Variants in ZNF207 observed in about 807,000 individuals in gnomAD.
ZNF207 encodes zinc finger protein 207.
ZNF207 carries 24 observed loss-of-function variants against 60.2 expected under a neutral mutation model. The ratio of observed to expected loss-of-function variants is 0.40; its 90% CI spans 0.29 to 0.56. The LOEUF (loss-of-function observed/expected upper bound fraction) is 0.56, where lower values mean the gene tolerates loss of function less well. Ranked by LOEUF, ZNF207 falls within the 20% of genes least tolerant of loss-of-function variation. The pLI, the probability that ZNF207 is intolerant of heterozygous loss-of-function variation, is 0.49. For synonymous variants in ZNF207, 236 were observed against 194.7 expected (o/e 1.21, Z -1.77); for missense variants, 452 against 636.6 (o/e 0.71, Z 3.12).
rs1377010682 is a variant in ZNF207, at chr17:32,379,508, A to T, written c.*9749A>T. 2 of 151,906 alleles carry T rather than the reference A, an allele frequency of 1.3e-5. No individual in the cohort carries two copies. The highest frequency in any genetic ancestry group is 2.9e-5 in the Non-Finnish European group (2 of 67,920). 9.4% of individuals were successfully genotyped at this position (151,906 alleles called of 1,614,324 possible). ...TTAGTATTTAAGAAAGTTCTTAAAC[A>T]TTTTTTTTAGTTGGCAGCCAAAAGA... On this transcript the variant is annotated 3_prime_UTR_variant, in exon 12 of 12. Coordinates refer to ENST00000394670, the MANE Select transcript of ZNF207 (RefSeq NM_001098507.2).
At position 32,371,837 on chromosome 17, in the gene ZNF207, AT is replaced by A. The variant is rs1905477369; in HGVS notation, c.*2082del. 6.6e-6 allele frequency: 1 copy of A among 152,190 alleles called. No individual in the cohort carries two copies. Among genetic ancestry groups the A allele is most frequent in the Non-Finnish European group, 1.5e-5 (1 of 68,028 alleles). 9.4% of individuals were successfully genotyped at this position (152,190 alleles called of 1,614,324 possible). On this transcript the variant is annotated 3_prime_UTR_variant, in exon 12 of 12. Coordinates refer to ENST00000394670, the MANE Select transcript of ZNF207 (RefSeq NM_001098507.2). ...TTCATAGTTTGAAAATAAAACAGGT[AT>A]TTTGCCAGTAATGTATTTCTTTCTG...
At chr17:32,354,174 C>T (rs1234388568) in intron 2 of ZNF207, among the ~76,000 whole-genome samples, 1 of 152,136 alleles carries the variant, frequency 6.6e-6, no homozygotes, top group Non-Finnish European at 1.5e-5. Context: ...GAGACAGGGT[C>T]TCACTATGTT....
intron 1 of ZNF207, chr17:32,350,915 A>G (rs1257670792): frequency 6.7e-6 from 1 of 148,580 alleles, no homozygotes; most frequent in African/African-American, 2.5e-5. Flanking sequence ...CTTAATCTTC[A>G]GGAAGCGTTC....
At chr17:32,353,319 G>A (rs2150786933) in intron 2 of ZNF207, among the ~76,000 whole-genome samples, 1 of 152,210 alleles carries the variant, frequency 6.6e-6, no homozygotes, top group East Asian at 1.9e-4. Flanking sequence ...TCCTAGAGCT[G>A]TCTGAATTTT....
chr17:32,356,875 G>A (rs1453710737), intron 2 of ZNF207, among the ~76,000 whole-genome samples: 1 of 152,144 alleles, frequency 6.6e-6, no homozygotes, highest in Admixed American at 6.6e-5. Context: ...TCAGTGTGTT[G>A]CAATAAACAT....
At chr17:32,368,185 G>A in intron 10 of ZNF207, 171 bp downstream of exon 10, 1 of 944,624 alleles carries the variant, frequency 1.1e-6, no homozygotes, top group Non-Finnish European at 1.5e-6. Context: ...TACTTAAAGT[G>A]GACAGATATT....
At chr17:32,365,191 A>C in intron 7 of ZNF207, 139 bp from the exon 8 acceptor site, 1 of 892,040 alleles carries the variant, frequency 1.1e-6, no homozygotes, top group Non-Finnish European at 1.7e-6. Flanking sequence ...AGAATGTTGC[A>C]TGGGGCAAAT....
At chr17:32,350,853 T>C (rs1238705687) in intron 1 of ZNF207, 1 of 151,798 alleles carries the variant, frequency 6.6e-6, no homozygotes, top group Non-Finnish European at 1.5e-5. Context: ...TTTTTTTTTT[T>C]TTCTTTTCGG....
Position 32,367,899 on chromosome 17 carries a change from G to T in ZNF207, c.1049G>T (p.Ser350Ile). The change falls in exon 10 of 12, where the codon AGT (serine) becomes ATT (isoleucine). Residue 350 changes from serine to isoleucine, a missense_variant. Around this residue, in one of 2 missense-constraint regions of ZNF207, gnomAD observed 390 missense variants for 461.4 expected, o/e 0.85. Transcript: ENST00000394670. ...ACACAGTCTACAGCTTCAACAACTA[G>T]TACAACAAATAGTACTGCAGCTAAA... is the stretch of plus-strand genomic sequence containing the variant. Reference protein sequence around the residue: ...AYTQSTASTTSTTNSTAAKPA... With the variant: ...AYTQSTASTTITTNSTAAKPA... The T allele has an allele frequency of 6.2e-7, 1 of 1,614,138 alleles. No individual in the cohort carries two copies. Among genetic ancestry groups the T allele is most frequent in the Non-Finnish European group, 8.5e-7 (1 of 1,180,026 alleles).
rs117684992 is a variant in ZNF207 at position 32,361,651 on chromosome 17, A to G, written c.599+136A>G. On this transcript the variant is annotated intron_variant, in intron 6 of 11. Transcript: ENST00000394670. ...CTCACTAAAACTTGCAAGCTAATTA[A>G]CACAGGTCTCTTAAAGAAGGAAAAT... The G allele has an allele frequency of 1.9e-4, 126 of 664,882 alleles. No homozygotes were observed. The East Asian group carries it at 3.1e-3, about 16-fold the overall frequency. The allele number at this position is 664,882 out of a possible 1,614,324, so 41.2% of individuals were successfully genotyped here.
At chr17:32,362,803 G>T in intron 6 of ZNF207, 111 bp from the exon 7 acceptor site, 1 of 707,676 alleles carries the variant, frequency 1.4e-6, no homozygotes. Flanking sequence ...CAGTATTAGA[G>T]GTCAGATTCA....
In ZNF207 at chr17:32,360,935, A is replaced by C. The variant is rs1904846364; in HGVS notation, c.519A>C (p.Gly173=). Residue 173 remains glycine (G), a synonymous_variant, in exon 5 of 12, where the codon GGA becomes GGC. Transcript: ENST00000394670. Reference sequence around the variant, plus strand: ...CAGGTGTTCCTCCTCTGATGCCAGGAATGCCACCAGTTATGCCAGGCATGC... The same window carrying C: ...CAGGTGTTCCTCCTCTGATGCCAGGCATGCCACCAGTTATGCCAGGCATGC... The part of the protein sequence containing the change: ...LMPGVPPLMP[G]MPPVMPGMPP... 6.2e-7 allele frequency: 1 copy of C among 1,613,724 alleles called. No individual in the cohort carries two copies. Among genetic ancestry groups the C allele is most frequent in the Non-Finnish European group, 8.5e-7 (1 of 1,180,024 alleles).
rs528404173 is a variant in ZNF207 at position 32,357,736 on chromosome 17, A to G, written c.169-767A>G. Among the ~76,000 whole-genome samples the G allele has an allele frequency of 2.0e-3, 300 of 152,048 alleles. 2 individuals are homozygous for G. The highest frequency in any genetic ancestry group is 6.9e-3 in the African/African-American group (287 of 41,466). On this transcript the variant is annotated intron_variant, in intron 2 of 11. Coordinates refer to ENST00000394670, the MANE Select transcript of ZNF207 (RefSeq NM_001098507.2). The stretch of plus-strand genomic sequence containing the variant: ...CTGCAACCTCTGCCTCCCAGGTTCA[A>G]GTGATTCTCATGCCTCAGCCTGTCG...
At chr17:32,354,470 C>T (rs1904385461) in intron 2 of ZNF207, among the ~76,000 whole-genome samples, 1 of 152,120 alleles carries the variant, frequency 6.6e-6, no homozygotes, top group Non-Finnish European at 1.5e-5. Flanking sequence ...ACCACCGTGC[C>T]TGCCTGAGTT....
In ZNF207 at chr17:32,378,474, C is replaced by T. The variant is rs1182754857; in HGVS notation, c.*8715C>T. Reference sequence around the variant, plus strand: ...ATGCTTTTTTGTTCTTTTAGCAACACTTGTAAATACAAGTACTCCTCTATT... The same window carrying T: ...ATGCTTTTTTGTTCTTTTAGCAACATTTGTAAATACAAGTACTCCTCTATT... On this transcript the variant is annotated 3_prime_UTR_variant, in exon 12 of 12. Coordinates refer to ENST00000394670, the MANE Select transcript of ZNF207 (RefSeq NM_001098507.2). The T allele has an allele frequency of 6.6e-6, 1 of 152,036 alleles. No homozygotes were observed. The highest frequency in any genetic ancestry group is 2.4e-5 in the African/African-American group (1 of 41,436). 9.4% of individuals were successfully genotyped at this position (152,036 alleles called of 1,614,324 possible).
intron 6 of ZNF207, among the ~76,000 whole-genome samples, chr17:32,362,256 A>G (rs889659718): frequency 1.3e-5 from 2 of 152,140 alleles, no homozygotes; most frequent in Non-Finnish European, 2.9e-5. Context: ...CCTGGGCTCA[A>G]GTGATCCTCC....
intron 7 of ZNF207, among the ~76,000 whole-genome samples, chr17:32,363,885 TG>T (rs1905026264): frequency 6.6e-6 from 1 of 151,972 alleles, no homozygotes; most frequent in Non-Finnish European, 1.5e-5. Flanking sequence ...AACAAAAAAG[TG>T]GTAGATTCAG....
rs1288802852 is a variant in ZNF207 at position 32,360,696 on chromosome 17, C to A, written c.406C>A (p.Gln136Lys). Reference protein sequence around the residue: ...SFQPQPVQPQQGYIPPMAQPG... With the variant: ...SFQPQPVQPQKGYIPPMAQPG... ...TCAGCCACAGCCTGTTCAACCTCAG[C>A]AAGGTTATATTCCTCCAATGGCACA... Residue 136 changes from glutamine (Q) to lysine (K), a missense_variant, in exon 4 of 12, where the codon CAA becomes AAA. This residue lies in a region of ZNF207 where 62 missense variants were observed against 175.3 expected (regional missense o/e 0.35). Coordinates refer to ENST00000394670, the MANE Select transcript of ZNF207 (RefSeq NM_001098507.2). The A allele has an allele frequency of 6.2e-7, 1 of 1,613,948 alleles. No homozygotes were observed. The highest frequency in any genetic ancestry group is 1.3e-5 in the African/African-American group (1 of 74,896).
In ZNF207 at chr17:32,351,810, TGA is replaced by T; in HGVS notation, c.69_70del (p.Lys24AspfsTer12). 1.2e-6 allele frequency: 2 copies of T among 1,610,686 alleles called. No homozygotes were observed. Among genetic ancestry groups the T allele is most frequent in the Middle Eastern group, 1.7e-4 (1 of 5,824 alleles). ...CWYCNRDFDD[E>X]KILIQHQKAK... ...GGTATTGTAATAGAGATTTTGATGA[TGA>T]GAAGATCCTTATTCAGCACCAAAAA... is the stretch of plus-strand genomic sequence containing the variant. On this transcript the variant is annotated frameshift_variant, in exon 2 of 12. Transcript: ENST00000394670. LOFTEE classifies it high-confidence loss of function.
Sources: allele counts gnomAD v4.1 joint callset (sites outside exome capture counted in the v4.1 genomes callset), GRCh38; gene constraint gnomAD v4.1.1; regional missense constraint gnomAD v4.1.1; transcripts MANE v1.5; gene names NCBI Gene and HGNC (gene_info 2026-07-23, HGNC 2026-07-21).